PDE1C: variants seen among roughly 807,000 people sequenced by gnomAD.
PDE1C encodes the protein dual specificity calcium/calmodulin-dependent 3',5'-cyclic nucleotide phosphodiesterase 1C.
A neutral mutation model predicts 93.1 loss-of-function variants in PDE1C; 62 were observed. The ratio of observed to expected loss-of-function variants is 0.67; its 90% confidence interval spans 0.54 to 0.82. The LOEUF is 0.82. PDE1C is among the 40% of genes least tolerant of loss of function. PDE1C has a pLI of 0.00. For synonymous variants in PDE1C, 325 were observed against 310.1 expected (o/e 1.05, Z -0.50); for missense variants, 742 against 884.6 (o/e 0.84, Z 2.04).
At chr7:32,197,876 G>A (rs1804727560) in intron 2 of PDE1C, among the ~76,000 whole-genome samples, 1 of 152,144 alleles carries the variant, frequency 6.6e-6, no homozygotes, top group African/African-American at 2.4e-5. Flanking sequence ...ATTAGATTAT[G>A]TTGATGATGG....
chr7:32,383,335 T>A (rs927647180), intron 1 of PDE1C, among the ~76,000 whole-genome samples: 1 of 152,234 alleles, frequency 6.6e-6, no homozygotes, highest in Non-Finnish European at 1.5e-5. Flanking sequence ...CTGAACTGAC[T>A]ACTCAAAGGC....
chr7:31,661,176 A>C, the PDE1C span, among the ~76,000 whole-genome samples: 2 of 152,290 alleles, frequency 1.3e-5, no homozygotes, highest in Non-Finnish European at 1.5e-5. Context: ...AATCTTGTTG[A>C]TGAATATGAT....
Position 32,321,440 on chromosome 7 carries a change from C to T in PDE1C, c.310+106382G>A, listed in dbSNP as rs552303606. Among the ~76,000 whole-genome samples the T allele has an allele frequency of 6.6e-5, 10 of 152,260 alleles. No individual in the cohort carries two copies. The South Asian group carries it at 1.2e-3, about 19-fold the overall frequency. ...TATTACTCTACTATGTTAATTTCTC[C>T]AGCATGCATAAAATAGATGCCCCTT... On this transcript the variant is annotated intron_variant, in intron 1 of 1. Transcript: ENST00000672256.
chr7:31,633,429 T>TA, the PDE1C span, among the ~76,000 whole-genome samples: 2 of 152,164 alleles, frequency 1.3e-5, no homozygotes, highest in Admixed American at 1.3e-4. Flanking sequence ...TGACCATCTA[T>TA]AAGGAGTGTT....
intron 2 of PDE1C, among the ~76,000 whole-genome samples, chr7:32,176,816 A>G (rs1285435867): frequency 6.6e-6 from 1 of 152,124 alleles, no homozygotes; most frequent in Non-Finnish European, 1.5e-5. Flanking sequence ...CAGAGCAAAT[A>G]AGCAGCCATA....
chr7:32,185,636 C>T (rs1352899361), intron 2 of PDE1C, among the ~76,000 whole-genome samples: 1 of 152,102 alleles, frequency 6.6e-6, no homozygotes. Flanking sequence ...AATTTATTTG[C>T]ATCTTCTGTT....
At chr7:32,188,903 C>T (rs1804052581) in intron 2 of PDE1C, among the ~76,000 whole-genome samples, 1 of 152,154 alleles carries the variant, frequency 6.6e-6, no homozygotes, top group Admixed American at 6.5e-5. Flanking sequence ...CTTGAGCTGT[C>T]AGCAGAAAGA....
At chr7:31,896,032 C>T (rs913541536) in intron 2 of PDE1C, among the ~76,000 whole-genome samples, 1 of 67,650 alleles carries the variant, frequency 1.5e-5, no homozygotes, top group African/African-American at 4.4e-5. Flanking sequence ...CACACACAAA[C>T]ACACACACAA....
Position 32,182,260 on chromosome 7 carries a change from A to C in PDE1C, c.137-12304T>G, listed in dbSNP as rs1245537671. Among the ~76,000 whole-genome samples the C allele has an allele frequency of 5.3e-5, 8 of 152,226 alleles. No individual in the cohort carries two copies. The East Asian group carries it at 1.5e-3, about 29-fold the overall frequency. On this transcript the variant is annotated intron_variant, in intron 2 of 18. Transcript: ENST00000396193. ...GTACCATTCCTTCTGAAACTATTCC[A>C]ATCAATAGAAAAAGAGGAATCCTTC...
intron 2 of PDE1C, among the ~76,000 whole-genome samples, chr7:31,910,169 GAA>G (rs1801056921): frequency 3.3e-5 from 5 of 152,148 alleles, no homozygotes; most frequent in Admixed American, 3.3e-4. Context: ...GTCCACCCCA[GAA>G]AGCAGGAATA....
At chr7:32,152,432 G>A (rs1018346733) in intron 3 of PDE1C, among the ~76,000 whole-genome samples, 5 of 152,166 alleles carry the variant, frequency 3.3e-5, no homozygotes, top group African/African-American at 7.2e-5. Context: ...TTTAACAAAA[G>A]GGCAGGCTAC....
intron 1 of PDE1C, among the ~76,000 whole-genome samples, chr7:32,395,748 G>C (rs962601748): frequency 6.6e-6 from 1 of 152,146 alleles, no homozygotes; most frequent in Admixed American, 6.5e-5. Flanking sequence ...TGATCTTCAC[G>C]AGTAGCAGAC....
intron 1 of PDE1C, among the ~76,000 whole-genome samples, chr7:32,238,535 A>G (rs1439915995): frequency 6.6e-6 from 1 of 152,248 alleles, no homozygotes; most frequent in Admixed American, 6.5e-5. Context: ...TTTTTCATGG[A>G]ACTTGACAAG....
upstream of PDE1C, among the ~76,000 whole-genome samples, chr7:32,074,853 G>A (rs1423906530): frequency 6.6e-6 from 1 of 152,226 alleles, no homozygotes; most frequent in Admixed American, 6.5e-5. Flanking sequence ...AACGTTTTGT[G>A]TGGTGTGTCT....
At chr7:31,642,733 C>T in the PDE1C span, 1 of 1,613,966 alleles carries the variant, frequency 6.2e-7, no homozygotes, top group Non-Finnish European at 8.5e-7. Flanking sequence ...AGGTAGAAAG[C>T]CAAGAGATCA....
chr7:32,091,770 G>A (rs1584746307), intron 3 of PDE1C, among the ~76,000 whole-genome samples: 1 of 152,194 alleles, frequency 6.6e-6, no homozygotes. Context: ...AGGACTCATT[G>A]CAAGACTTGG....
At chr7:32,371,429 T>C (rs958056021) in intron 1 of PDE1C, among the ~76,000 whole-genome samples, 1 of 152,214 alleles carries the variant, frequency 6.6e-6, no homozygotes, top group Non-Finnish European at 1.5e-5. Context: ...CTGGTTTATA[T>C]ATCCAGGTAA....
At chr7:32,020,987 A>G (rs1485141639) in intron 2 of PDE1C, among the ~76,000 whole-genome samples, 1 of 152,150 alleles carries the variant, frequency 6.6e-6, no homozygotes, top group East Asian at 1.9e-4. Context: ...AAGACACAGG[A>G]GAGAAATGCC....
the PDE1C span, among the ~76,000 whole-genome samples, chr7:31,627,949 G>A: frequency 6.6e-6 from 1 of 152,162 alleles, no homozygotes; most frequent in South Asian, 2.1e-4. Context: ...GAGAGTTTTA[G>A]AAAGGGGCTA....
Sources: gnomAD v4.1 joint callset for allele counts (sites outside exome capture counted in the v4.1 genomes callset) on GRCh38, gnomAD v4.1.1 for gene constraint, MANE v1.5 for transcripts, NCBI Gene and HGNC (gene_info 2026-07-23, HGNC 2026-07-21) for gene names.